Variants in MCC observed in about 807,000 individuals in gnomAD.
MCC encodes the protein MCC regulator of Wnt signaling pathway.
In MCC, 90 loss-of-function variants were observed where a neutral mutation model predicts 116.2. The ratio of observed to expected loss-of-function variants is 0.77; its 90% CI spans 0.65 to 0.92. The LOEUF is 0.92. Among genes scored for constraint, MCC ranks in the 40% least tolerant of loss-of-function variants. The probability of loss-of-function intolerance (pLI) is 0.00; values close to 1 mark genes in which losing one functional copy is unlikely to be tolerated. For synonymous variants in MCC, 578 were observed against 510.5 expected (o/e 1.13, Z -1.78); for missense variants, 1,516 against 1,312.2 (o/e 1.16, Z -2.40).
chr5:113,114,769 G>T (rs13184187), intron 6 of MCC, among the ~76,000 whole-genome samples: 69,581 of 151,908 alleles, frequency 0.46, 17,524 homozygotes, highest in East Asian at 0.72. Flanking sequence ...GAATCCAGGG[G>T]AAGATTACCT....
intron 13 of MCC, 126 bp from the exon 14 acceptor site, chr5:113,064,293 GC>G (rs1753439295): frequency 1.2e-6 from 1 of 817,124 alleles, no homozygotes; most frequent in Non-Finnish European, 1.9e-6. Flanking sequence ...AATTGGCAGT[GC>G]CCAGCCGAAG....
chr5:113,415,256 T>C (rs1419276579), intron 1 of MCC, among the ~76,000 whole-genome samples: 2 of 152,114 alleles, frequency 1.3e-5, no homozygotes, highest in Non-Finnish European at 2.9e-5. Flanking sequence ...TGGGGTTGCT[T>C]TTCTCGAGGA....
rs867538208 is a variant in MCC at position 113,423,850 on chromosome 5, A to G, written c.171-38638T>C. ...ACTTGCTTCTGGACTCAGGGTTACC[A>G]CTCGTAGGATAAGGTTATCATCCTG... On this transcript the variant is annotated intron_variant, in intron 1 of 18. Transcript: ENST00000408903. Among the ~76,000 whole-genome samples, 13 of 152,128 alleles carry G rather than the reference A, an allele frequency of 8.5e-5. No homozygotes were observed. The South Asian group carries it at 1.0e-3, about 12-fold the overall frequency.
chr5:113,171,697 G>A (rs150015458), intron 3 of MCC, among the ~76,000 whole-genome samples: 74 of 152,226 alleles, frequency 4.9e-4, no homozygotes, highest in African/African-American at 1.7e-3. Context: ...TCTAATTGGT[G>A]GCTCTGTGGC....
intron 6 of MCC, among the ~76,000 whole-genome samples, chr5:113,107,622 A>G (rs1756824296): frequency 6.6e-6 from 1 of 152,176 alleles, no homozygotes; most frequent in Non-Finnish European, 1.5e-5. Context: ...CTGAATGACC[A>G]CGTACCCTCT....
At chr5:113,469,938 G>A (rs1373071014) in intron 1 of MCC, among the ~76,000 whole-genome samples, 2 of 152,138 alleles carry the variant, frequency 1.3e-5, no homozygotes, top group Non-Finnish European at 2.9e-5. Context: ...ATTATGTAAT[G>A]GCCTTCTTTG....
chr5:113,468,803 T>A (rs1029549434), intron 1 of MCC, among the ~76,000 whole-genome samples: 9 of 152,154 alleles, frequency 5.9e-5, no homozygotes, highest in African/African-American at 9.7e-5. Flanking sequence ...CTGTGAATCC[T>A]TCTGGTCCTG....
Position 113,477,409 on chromosome 5 carries a change from G to A in MCC, c.170+10836C>T, listed in dbSNP as rs551314900. ...ATAGGTCACAGAGGCTGGATTTACC[G>A]TTTCACCTAAAACAGCTAGAAATCC... On this transcript the variant is annotated intron_variant, in intron 1 of 18. Transcript: ENST00000408903. Among the ~76,000 whole-genome samples the A allele has an allele frequency of 2.6e-5, 4 of 152,290 alleles. No individual in the cohort carries two copies. In the East Asian group the frequency reaches 5.8e-4, roughly 22 times the overall value.
chr5:113,378,221 G>T (rs891213140), intron 2 of MCC, among the ~76,000 whole-genome samples: 1 of 152,132 alleles, frequency 6.6e-6, no homozygotes, highest in South Asian at 2.1e-4. Context: ...GTGGGTTTGA[G>T]GTCCTTCCTG....
intron 1 of MCC, among the ~76,000 whole-genome samples, chr5:113,456,462 A>G (rs1294175408): frequency 6.6e-6 from 1 of 151,472 alleles, no homozygotes; most frequent in Non-Finnish European, 1.5e-5. Flanking sequence ...GATGAGCACT[A>G]CCCTTTTTTT....
intron 1 of MCC, among the ~76,000 whole-genome samples, chr5:113,438,767 A>T (rs1005564267): frequency 3.9e-5 from 6 of 152,370 alleles, no homozygotes; most frequent in Admixed American, 2.0e-4. Context: ...AAACACTACG[A>T]CATGGCATCA....
intron 2 of MCC, among the ~76,000 whole-genome samples, chr5:113,370,937 C>G (rs1317833469): frequency 1.3e-5 from 2 of 152,128 alleles, no homozygotes; most frequent in Non-Finnish European, 1.5e-5. Context: ...ACAGTTGAGG[C>G]TGGGCATGGT....
intron 3 of MCC, among the ~76,000 whole-genome samples, chr5:113,291,491 C>T (rs943815954): frequency 2.6e-5 from 4 of 152,172 alleles, no homozygotes; most frequent in Admixed American, 6.5e-5. Flanking sequence ...CGCAAGTCAA[C>T]ACCAATGAGA....
chr5:113,253,054 C>G (rs1013840688), intron 3 of MCC, among the ~76,000 whole-genome samples: 7 of 151,878 alleles, frequency 4.6e-5, no homozygotes, highest in Admixed American at 3.9e-4. Context: ...TATGTAATAC[C>G]CCAGGGCTTC....
intron 4 of MCC, among the ~76,000 whole-genome samples, chr5:113,147,764 A>G (rs1759610382): frequency 6.6e-6 from 1 of 152,214 alleles, no homozygotes; most frequent in African/African-American, 2.4e-5. Flanking sequence ...AAGGAGCTAG[A>G]GGAGTTTACC....
rs575688197 is a variant in MCC, at chr5:113,132,785, G to A, written c.885-9959C>T. 4.6e-3 allele frequency among the ~76,000 whole-genome samples: 702 copies of A among 152,234 alleles called. 7 individuals carry two copies. The highest frequency in any genetic ancestry group is 0.016 in the African/African-American group (673 of 41,526). ...GAAGGTATCCTAGGGATTCCCATGT[G>A]TTTCAGACATAGTACTCAGTGTCCC... On this transcript the variant is annotated intron_variant, in intron 5 of 18. Transcript: ENST00000408903.
rs558973649 is a variant in MCC, at chr5:113,298,664, T to C, written c.627+41855A>G. Among the ~76,000 whole-genome samples the C allele has an allele frequency of 4.6e-5, 7 of 152,188 alleles. No individual in the cohort carries two copies. The East Asian group carries it at 9.6e-4, about 21-fold the overall frequency. On this transcript the variant is annotated intron_variant, in intron 3 of 18. Coordinates refer to ENST00000408903, the MANE Select transcript of MCC (RefSeq NM_001085377.2). The stretch of plus-strand genomic sequence containing the variant: ...GAGCAGGTGTCAAGGACAAAAACTA[T>C]GAGATTAGCTTTGGAGTAGGCTTGG...
At position 113,269,231 on chromosome 5, in the gene MCC, T is replaced by C. The variant is rs537450752; in HGVS notation, c.627+71288A>G. On this transcript the variant is annotated intron_variant, in intron 3 of 18. Transcript: ENST00000408903. ...TGGCGTCAGGGCCCCGCAATCTCTCTCCAGGTGGGGACTGGGCCTTTTGAC... is the reference window on the plus strand; with the variant it reads ...TGGCGTCAGGGCCCCGCAATCTCTCCCCAGGTGGGGACTGGGCCTTTTGAC... 7.1e-6 allele frequency: 7 copies of C among 985,290 alleles called. No individual in the cohort carries two copies. In the East Asian group the frequency reaches 8.0e-4, roughly 112 times the overall value. 61.0% of individuals were successfully genotyped at this position (985,290 alleles called of 1,614,324 possible).
intron 3 of MCC, among the ~76,000 whole-genome samples, chr5:113,271,419 A>AG (rs940745644): frequency 6.6e-6 from 1 of 152,222 alleles, no homozygotes; most frequent in African/African-American, 2.4e-5. Context: ...CTTATAATGA[A>AG]GAAAAAGAAG....
Sources: allele counts gnomAD v4.1 joint callset (sites outside exome capture counted in the v4.1 genomes callset), GRCh38; gene constraint gnomAD v4.1.1; transcripts MANE v1.5; gene names NCBI Gene and HGNC (gene_info 2026-07-23, HGNC 2026-07-21).